GABRG3: variants seen among roughly 807,000 people sequenced by gnomAD.
GABRG3 encodes the protein gamma-aminobutyric acid type A receptor subunit gamma3.
GABRG3 carries 25 observed loss-of-function variants against 48.8 expected under a neutral mutation model. The ratio of observed to expected loss-of-function variants is 0.51; its 90% CI spans 0.37 to 0.72. GABRG3 has a LOEUF of 0.72. Among genes scored for constraint, GABRG3 ranks in the 30% least tolerant of loss-of-function variants. The pLI is 0.00. For synonymous variants in GABRG3, 227 were observed against 217.6 expected (o/e 1.04, Z -0.38); for missense variants, 394 against 577.9 (o/e 0.68, Z 3.26).
chr15:27,460,039 A>G (rs1203493167), intron 5 of GABRG3, among the ~76,000 whole-genome samples: 1 of 152,140 alleles, frequency 6.6e-6, no homozygotes, highest in South Asian at 2.1e-4. Flanking sequence ...TACTGTTGTC[A>G]TTACTCGAAG....
intron 5 of GABRG3, among the ~76,000 whole-genome samples, chr15:27,422,746 G>A (rs1024798014): frequency 2.6e-5 from 4 of 152,182 alleles, no homozygotes; most frequent in African/African-American, 4.8e-5. Flanking sequence ...AAAAATCAGT[G>A]ACTTTAAAGA....
At chr15:27,073,575 A>G (rs909023949) in intron 3 of GABRG3, among the ~76,000 whole-genome samples, 1 of 152,234 alleles carries the variant, frequency 6.6e-6, no homozygotes, top group Admixed American at 6.5e-5. Flanking sequence ...CCAGATGCAC[A>G]TTCCTGGATT....
intron 3 of GABRG3, among the ~76,000 whole-genome samples, chr15:27,044,844 G>T (rs912750473): frequency 6.6e-6 from 1 of 152,232 alleles, no homozygotes; most frequent in African/African-American, 2.4e-5. Context: ...GCTGAAGCTT[G>T]GCGGCTGTGA....
intron 5 of GABRG3, among the ~76,000 whole-genome samples, chr15:27,389,082 A>C (rs1896142890): frequency 6.6e-6 from 1 of 152,258 alleles, no homozygotes. Flanking sequence ...TACCAACAAC[A>C]TGAATCAATA....
At chr15:27,441,205 T>C (rs1210797014) in intron 5 of GABRG3, among the ~76,000 whole-genome samples, 4 of 152,236 alleles carry the variant, frequency 2.6e-5, no homozygotes, top group Non-Finnish European at 5.9e-5. Flanking sequence ...ATTGCTGCAA[T>C]TTTCTTTTTC....
intron 3 of GABRG3, among the ~76,000 whole-genome samples, chr15:27,226,943 C>G (rs931340558): frequency 1.3e-5 from 2 of 152,226 alleles, no homozygotes; most frequent in South Asian, 4.1e-4. Context: ...CCTCCTAAAG[C>G]AGTACTATTT....
intron 9 of GABRG3, among the ~76,000 whole-genome samples, chr15:27,530,045 GT>G (rs1159452299): frequency 2.0e-5 from 3 of 152,156 alleles, no homozygotes; most frequent in African/African-American, 7.2e-5. Flanking sequence ...GAAAAAGGAA[GT>G]CTGTCCTCCG....
At chr15:26,981,816 C>T (rs1375249405) in intron 2 of GABRG3, among the ~76,000 whole-genome samples, 4 of 152,218 alleles carry the variant, frequency 2.6e-5, no homozygotes, top group African/African-American at 9.7e-5. Context: ...TGCCCAGGCA[C>T]ACTGTCCCTC....
intron 5 of GABRG3, among the ~76,000 whole-genome samples, chr15:27,386,315 C>T (rs1454583080): frequency 2.0e-5 from 3 of 152,082 alleles, no homozygotes; most frequent in Non-Finnish European, 4.4e-5. Context: ...CTGTGTTCAT[C>T]CAGGGACTTT....
rs1364610476 is a variant in GABRG3 at position 27,403,918 on chromosome 15, A to C, written c.574+75030A>C. On this transcript the variant is annotated intron_variant, in intron 5 of 9. Coordinates refer to ENST00000615808, the MANE Select transcript of GABRG3 (RefSeq NM_033223.5). ...AAAGCCAGACTCAAAAAAAAACAAA[A>C]AAAAAAAAAACAAAAAAAAAAAACC... Among the ~76,000 whole-genome samples the C allele has an allele frequency of 3.5e-4, 50 of 142,266 alleles. 1 individual carries two copies. The highest frequency in any genetic ancestry group is 8.1e-4 in the African/African-American group (30 of 37,000). 93.3% of individuals were successfully genotyped at this position (142,266 alleles called of 152,430 possible).
In GABRG3 at chr15:27,292,839, T is replaced by C. The variant is rs113908833; in HGVS notation, c.271-33970T>C. Among the ~76,000 whole-genome samples the C allele has an allele frequency of 3.9e-5, 6 of 152,206 alleles. 1 individual carries two copies. Among genetic ancestry groups the C allele is most frequent in the African/African-American group, 9.6e-5 (4 of 41,552 alleles). On this transcript the variant is annotated intron_variant, in intron 3 of 9. Transcript: ENST00000615808. ...AGCAGCAAACAGAAGAGATTTCAGA[T>C]AAAGGACAAAAGGAAAAGAAATCAG...
At chr15:27,452,679 G>C (rs898592256) in intron 5 of GABRG3, among the ~76,000 whole-genome samples, 2 of 152,204 alleles carry the variant, frequency 1.3e-5, no homozygotes, top group African/African-American at 4.8e-5. Flanking sequence ...GTAGGCTGAG[G>C]GGGAGGAAGA....
At chr15:26,988,425 C>T (rs917311780) in intron 2 of GABRG3, among the ~76,000 whole-genome samples, 1 of 152,114 alleles carries the variant, frequency 6.6e-6, no homozygotes, top group Admixed American at 6.5e-5. Flanking sequence ...GCTATGAAAT[C>T]TACTTTGTCA....
chr15:27,081,122 C>T (rs1355028467), intron 3 of GABRG3, among the ~76,000 whole-genome samples: 1 of 152,130 alleles, frequency 6.6e-6, no homozygotes, highest in Non-Finnish European at 1.5e-5. Flanking sequence ...CCTGGAGACT[C>T]CTGAGCAGTA....
intron 5 of GABRG3, among the ~76,000 whole-genome samples, chr15:27,345,172 T>C (rs1271695860): frequency 2.0e-5 from 3 of 152,212 alleles, no homozygotes; most frequent in Non-Finnish European, 4.4e-5. Flanking sequence ...GTCTTTTATT[T>C]GACATATTTA....
At chr15:27,460,709 G>A (rs558775195) in intron 5 of GABRG3, among the ~76,000 whole-genome samples, 18 of 152,208 alleles carry the variant, frequency 1.2e-4, no homozygotes, top group African/African-American at 4.1e-4. Context: ...AAAAAATCTG[G>A]GGTGGACAGA....
intron 3 of GABRG3, among the ~76,000 whole-genome samples, chr15:27,171,927 G>A (rs767485314): frequency 2.6e-5 from 4 of 152,190 alleles, no homozygotes; most frequent in South Asian, 2.1e-4. Context: ...GAAAGTCCAA[G>A]AGCATGGTGC....
intron 3 of GABRG3, among the ~76,000 whole-genome samples, chr15:27,209,941 C>T (rs149525235): frequency 2.3e-4 from 35 of 152,300 alleles, no homozygotes; most frequent in African/African-American, 7.9e-4. Flanking sequence ...CTGTGTGTCC[C>T]GATCTCCTTC....
At chr15:27,005,289 C>A (rs1215098188) in intron 2 of GABRG3, among the ~76,000 whole-genome samples, 1 of 152,042 alleles carries the variant, frequency 6.6e-6, no homozygotes, top group African/African-American at 2.4e-5. Context: ...CAACCTCCGC[C>A]TCCCGGGTTC....
Sources: allele counts gnomAD v4.1 joint callset (sites outside exome capture counted in the v4.1 genomes callset), GRCh38; gene constraint gnomAD v4.1.1; transcripts MANE v1.5; gene names NCBI Gene and HGNC (gene_info 2026-07-23, HGNC 2026-07-21).